The following SLC16A4 variants were observed in gnomAD, a reference collection of about 807,000 sequenced individuals.
SLC16A4 encodes the protein solute carrier family 16 member 4, also known as probable monocarboxylate transporter 5.
SLC16A4 carries 39 observed loss-of-function variants against 47.9 expected under a neutral mutation model. The ratio of observed to expected loss-of-function variants is 0.81; its 90% CI spans 0.63 to 1.06. The LOEUF is 1.06. SLC16A4 is among the 50% of genes least tolerant of loss of function. SLC16A4 has a pLI of 0.00. For synonymous variants in SLC16A4, 189 were observed against 199.9 expected, an observed-to-expected ratio of 0.95 and a Z score of 0.46; for missense variants, 524 against 573.8, an observed-to-expected ratio of 0.91 and a Z score of 0.89.
intron 8 of SLC16A4, among the ~76,000 whole-genome samples, chr1:110,364,915 A>G (rs78991206): frequency 6.6e-6 from 1 of 150,892 alleles, no homozygotes; most frequent in African/African-American, 2.4e-5. Context: ...TTTTTTTTTA[A>G]CTGAGTAGGT....
chr1:110,384,795 G>A (rs1662642778), intron 2 of SLC16A4, among the ~76,000 whole-genome samples: 1 of 152,138 alleles, frequency 6.6e-6, no homozygotes, highest in Non-Finnish European at 1.5e-5. Context: ...TGGATCGCTT[G>A]AGCCCAGGAG....
At position 110,372,934 on chromosome 1, in the gene SLC16A4, T is replaced by G. The variant is rs573801392; in HGVS notation, c.1336+2524A>C. 6 of 152,308 alleles carry G rather than the reference T, an allele frequency of 3.9e-5. No individual in the cohort carries two copies. In the South Asian group the frequency reaches 1.2e-3, roughly 32 times the overall value. 9.4% of individuals were successfully genotyped at this position (152,308 alleles called of 1,614,324 possible). On this transcript the variant is annotated intron_variant, in intron 8 of 8. Coordinates refer to ENST00000369779, the MANE Select transcript of SLC16A4 (RefSeq NM_004696.3). ...TGACAGAAGTATTTTATATCTCATA[T>G]TTTACATTACATAGGTGTGTGTGTG... is the stretch of plus-strand genomic sequence containing the variant.
At chr1:110,379,425 C>T (rs892531445) in intron 5 of SLC16A4, 69 bp from the exon 6 acceptor site, 1 of 1,430,842 alleles carries the variant, frequency 7.0e-7, no homozygotes, top group Non-Finnish European at 9.4e-7. Context: ...TGTTCATAGG[C>T]TCAGAAGAGG....
At chr1:110,385,338 C>T (rs1247414025) in intron 2 of SLC16A4, among the ~76,000 whole-genome samples, 2 of 152,188 alleles carry the variant, frequency 1.3e-5, no homozygotes, top group Admixed American at 6.5e-5. Flanking sequence ...TTACCTAGCT[C>T]ATAAGACTGT....
chr1:110,382,327 C>T (rs908910151), intron 3 of SLC16A4, among the ~76,000 whole-genome samples: 1 of 151,876 alleles, frequency 6.6e-6, no homozygotes, highest in Non-Finnish European at 1.5e-5. Context: ...GGCATGGTGG[C>T]GGGCGCCTGT....
At chr1:110,388,054 C>G (rs1380253511) in intron 2 of SLC16A4, among the ~76,000 whole-genome samples, 5 of 152,258 alleles carry the variant, frequency 3.3e-5, no homozygotes, top group Admixed American at 6.5e-5. Flanking sequence ...CTACCTTTCC[C>G]CGTGAGCTGC....
At chr1:110,385,015 T>C (rs1396813481) in intron 2 of SLC16A4, among the ~76,000 whole-genome samples, 1 of 152,058 alleles carries the variant, frequency 6.6e-6, no homozygotes, top group African/African-American at 2.4e-5. Context: ...TGTCTCAAAA[T>C]TAATAATAAT....
chr1:110,373,985 A>G (rs1457340104), intron 8 of SLC16A4, among the ~76,000 whole-genome samples: 3 of 120,128 alleles, frequency 2.5e-5, no homozygotes, highest in South Asian at 3.2e-4. Context: ...CCCTCTCAGT[A>G]ACAATTCTTG....
intron 8 of SLC16A4, among the ~76,000 whole-genome samples, chr1:110,364,790 C>T (rs547384667): frequency 8.5e-5 from 13 of 152,056 alleles, no homozygotes; most frequent in Non-Finnish European, 1.9e-4. Flanking sequence ...GGATTATAAG[C>T]GTGAGCCACT....
intron 8 of SLC16A4, among the ~76,000 whole-genome samples, chr1:110,367,839 G>GT (rs200369962): frequency 0.013 from 1,954 of 151,534 alleles, 34 homozygotes; most frequent in African/African-American, 0.042. Context: ...GTAAATTTTT[G>GT]TTTTTTTTGA....
chr1:110,376,800 CTG>C (rs1159210847), intron 7 of SLC16A4, 148 bp downstream of exon 7: 1 of 640,212 alleles, frequency 1.6e-6, no homozygotes, highest in Non-Finnish European at 2.6e-6. Flanking sequence ...AGATGAGTAA[CTG>C]GACAGGATAT....
chr1:110,367,166 T>G (rs957387989), intron 8 of SLC16A4, among the ~76,000 whole-genome samples: 1 of 152,250 alleles, frequency 6.6e-6, no homozygotes, highest in Non-Finnish European at 1.5e-5. Flanking sequence ...CTACTTTATT[T>G]GATTGGAATA....
At chr1:110,384,419 C>T (rs1662616667) in intron 2 of SLC16A4, among the ~76,000 whole-genome samples, 1 of 152,238 alleles carries the variant, frequency 6.6e-6, no homozygotes, top group South Asian at 2.1e-4. Flanking sequence ...TTCTGCCCCA[C>T]CTAATCTTCC....
intron 3 of SLC16A4, 23 bp from the exon 4 acceptor site, chr1:110,381,818 A>G: frequency 6.2e-7 from 1 of 1,602,434 alleles, no homozygotes; most frequent in East Asian, 2.2e-5. Context: ...AAGAAAGGCA[A>G]TTCTTAGGTA....
At chr1:110,390,465 G>A (rs115134299) in intron 1 of SLC16A4, among the ~76,000 whole-genome samples, 2,097 of 152,284 alleles carry the variant, frequency 0.014, 36 homozygotes, top group African/African-American at 0.046. Flanking sequence ...AAGACAGTTT[G>A]TGGGGACAGT....
At chr1:110,370,713 A>C (rs900188979) in intron 8 of SLC16A4, 3 of 152,232 alleles carry the variant, frequency 2.0e-5, no homozygotes, top group African/African-American at 7.2e-5. Context: ...CATATGCTGG[A>C]GTACAATTGA....
chr1:110,376,560 A>G (rs924836007), intron 7 of SLC16A4, among the ~76,000 whole-genome samples: 5 of 152,148 alleles, frequency 3.3e-5, no homozygotes, highest in Non-Finnish European at 7.3e-5. Context: ...GAGAAACCAC[A>G]CTGGTCGGGA....
chr1:110,386,962 A>G (rs1323888020), intron 2 of SLC16A4, among the ~76,000 whole-genome samples: 1 of 152,192 alleles, frequency 6.6e-6, no homozygotes, highest in Non-Finnish European at 1.5e-5. Flanking sequence ...ACCTCTCAGT[A>G]GCATCTGCTC....
intron 3 of SLC16A4, 60 bp from the exon 4 acceptor site, chr1:110,381,855 CTGAT>C: frequency 6.9e-7 from 1 of 1,446,400 alleles, no homozygotes; most frequent in Non-Finnish European, 9.5e-7. Flanking sequence ...CCCTTATCCT[CTGAT>C]GGCGATTTAA....
Sources: allele counts gnomAD v4.1 joint callset (sites outside exome capture counted in the v4.1 genomes callset), GRCh38; gene constraint gnomAD v4.1.1; transcripts MANE v1.5; gene names NCBI Gene and HGNC (gene_info 2026-07-23, HGNC 2026-07-21).